Variants in MGA observed in about 807,000 individuals in gnomAD.
MGA encodes the protein MAX gene-associated protein.
In MGA, 40 loss-of-function variants were observed where a neutral mutation model predicts 261.1. The observed-to-expected ratio is 0.15, with a 90% CI of 0.12 to 0.20. The LOEUF (loss-of-function observed/expected upper bound fraction) is 0.20, where lower values mean the gene tolerates loss of function less well. Among genes scored for constraint, MGA ranks in the 10% least tolerant of loss-of-function variants. The pLI is 1.00. For missense variants in MGA, 3,397 were observed against 3,630.5 expected, an observed-to-expected ratio of 0.94 and a Z score of 1.65; for synonymous variants, 1,302 against 1,290.6, an observed-to-expected ratio of 1.01 and a Z score of -0.19.
Position 41,681,397 on chromosome 15 carries a change from C to CT in MGA, c.1064+11440dup, listed in dbSNP as rs2058667349. Among the ~76,000 whole-genome samples, 8 of 127,468 alleles carry CT rather than the reference C, an allele frequency of 6.3e-5. No individual in the cohort carries two copies. The South Asian group carries it at 1.8e-3, about 28-fold the overall frequency. 83.6% of individuals were successfully genotyped at this position (127,468 alleles called of 152,430 possible). On this transcript the variant is annotated intron_variant, in intron 2 of 23. Transcript: ENST00000219905. Reference sequence around the variant, plus strand: ...TGTTTTTAAATCCTTGTAGTATACTCTGTTTTTTTTTTTTTTTAATTCTGT... The same window carrying CT: ...TGTTTTTAAATCCTTGTAGTATACTCTTGTTTTTTTTTTTTTTTAATTCTGT...
chr15:41,655,489 A>T (rs2057146970), upstream of MGA, among the ~76,000 whole-genome samples: 1 of 152,196 alleles, frequency 6.6e-6, no homozygotes, highest in South Asian at 2.1e-4. Context: ...GTATACTTTA[A>T]ATCATCTTTA....
rs1595966553 is a variant in MGA at position 41,749,424 on chromosome 15, C to T, written c.5817C>T (p.Leu1939=). The T allele has an allele frequency of 6.2e-7, 1 of 1,614,018 alleles. No homozygotes were observed. ...TTGGTACAGCCAGTCTTATTCCTCT[C>T]CAGTCTGGTAGTTTTGCCTTGTTAC... The change falls in exon 17 of 24, where the codon CTC becomes CTT. Residue 1939 remains leucine (L), a synonymous_variant. Transcript: ENST00000219905.
intron 2 of MGA, among the ~76,000 whole-genome samples, chr15:41,694,813 C>T (rs2059470904): frequency 6.6e-6 from 1 of 152,022 alleles, no homozygotes; most frequent in African/African-American, 2.4e-5. Flanking sequence ...CGCCCGGCTC[C>T]AGGGTTTAAT....
chr15:41,718,159 T>G (rs2060737638), intron 9 of MGA, among the ~76,000 whole-genome samples: 1 of 151,632 alleles, frequency 6.6e-6, no homozygotes, highest in South Asian at 2.1e-4. Flanking sequence ...TATAACAGAT[T>G]AAATGAGATC....
At chr15:41,692,572 A>C (rs1248070563) in intron 2 of MGA, among the ~76,000 whole-genome samples, 1 of 152,156 alleles carries the variant, frequency 6.6e-6, no homozygotes, top group Non-Finnish European at 1.5e-5. Flanking sequence ...AATTCACTTC[A>C]TTTAGGCTTA....
rs1595936153 is a variant in MGA at position 41,742,603 on chromosome 15, C to A, written c.4643C>A (p.Ala1548Asp). 6.2e-7 allele frequency: 1 copy of A among 1,613,762 alleles called. No homozygotes were observed. Among genetic ancestry groups the A allele is most frequent in the South Asian group, 1.1e-5 (1 of 91,078 alleles). ...CAGTTTGTGATGAGTAAAGTTGGAGCCTTGCAGCAGAAGATACCTGGAGTT... is the reference window on the plus strand; with the variant it reads ...CAGTTTGTGATGAGTAAAGTTGGAGACTTGCAGCAGAAGATACCTGGAGTT... The change falls in exon 15 of 24, where the codon GCC becomes GAC. Residue 1548 changes from alanine (A) to aspartate (D), a missense_variant. Physicochemically the swap from Ala to Asp is moderately radical, Grantham distance 126. Coordinates refer to ENST00000219905, the MANE Select transcript of MGA (RefSeq NM_001164273.2).
rs1191842690 is a variant in MGA at position 41,737,495 on chromosome 15, TA to T, written c.4434+802del. Among the ~76,000 whole-genome samples, 3 of 152,138 alleles carry T rather than the reference TA, an allele frequency of 2.0e-5. No homozygotes were observed. The East Asian group carries it at 5.8e-4, about 29-fold the overall frequency. On this transcript the variant is annotated intron_variant, in intron 13 of 23. Transcript: ENST00000219905. ...GTAAGGTGTTATTTAAATACAAGAG[TA>T]AAAATTCAGCCATATTTACTTAATT...
intron 8 of MGA, 40 bp downstream of exon 8, chr15:41,711,389 G>A (rs1398272049): frequency 9.2e-6 from 14 of 1,524,682 alleles, no homozygotes; most frequent in Non-Finnish European, 1.1e-5. Flanking sequence ...TTAGTGCTTG[G>A]CTAGAAAGAG....
chr15:41,766,517 A>G lies in MGA; in HGVS notation c.8435A>G (p.Asn2812Ser), dbSNP rs747948036. Reference sequence around the variant, plus strand: ...CTTGATTCCAGTGAACTGCTGACTAACATGGAAGATGAGGATGATACTGAT... The same window carrying G: ...CTTGATTCCAGTGAACTGCTGACTAGCATGGAAGATGAGGATGATACTGAT... Residue 2812 changes from asparagine to serine, a missense_variant, in exon 24 of 24, where the codon AAC (asparagine) becomes AGC (serine). By Grantham distance (46) the Asn-to-Ser change is conservative. This residue lies in a region of MGA where 647 missense variants were observed against 642.4 expected (regional missense o/e 1.01). Coordinates refer to ENST00000219905, the MANE Select transcript of MGA (RefSeq NM_001164273.2). 6.2e-6 allele frequency: 10 copies of G among 1,614,002 alleles called. No homozygotes were observed. The highest frequency in any genetic ancestry group is 8.5e-6 in the Non-Finnish European group (10 of 1,179,888).
chr15:41,763,141 C>T (rs1299404566), intron 22 of MGA, among the ~76,000 whole-genome samples: 6 of 133,938 alleles, frequency 4.5e-5, no homozygotes, highest in African/African-American at 1.7e-4. Context: ...GCTCTGTTGC[C>T]CGGGCTGGAG....
rs775003084 is a variant in MGA at position 41,748,799 on chromosome 15, T to C, written c.5375T>C (p.Val1792Ala). The C allele has an allele frequency of 6.2e-7, 1 of 1,613,892 alleles. No individual in the cohort carries two copies. Among genetic ancestry groups the C allele is most frequent in the South Asian group, 1.1e-5 (1 of 91,076 alleles). Residue 1792 changes from valine (V) to alanine (A), a missense_variant, in exon 16 of 24, where the codon GTT becomes GCT. Physicochemically the swap from Val to Ala is moderately conservative, Grantham distance 64. Transcript: ENST00000219905. ...GGACATCGGATGGTCTTGCAGCCTG[T>C]TAGGAGTCCAAGTGGAATGAACTTA...
rs1566994660 is a variant in MGA at position 41,698,853 on chromosome 15, T to C, written c.2014-10T>C. 1 of 1,490,808 alleles carries C rather than the reference T, an allele frequency of 6.7e-7. No individual in the cohort carries two copies. 92.3% of individuals were successfully genotyped at this position (1,490,808 alleles called of 1,614,324 possible). On this transcript the variant is annotated splice_polypyrimidine_tract_variant and intron_variant, in intron 3 of 23. Coordinates refer to ENST00000219905, the MANE Select transcript of MGA (RefSeq NM_001164273.2). ...ATGAACTACTATTTTTTTTTTTTTTTGATGTATAGGAAGCTCTAGACATTC... is the reference window on the plus strand; with the variant it reads ...ATGAACTACTATTTTTTTTTTTTTTCGATGTATAGGAAGCTCTAGACATTC...
At chr15:41,624,911 G>T (rs376805573) in intron 1 of MGA, among the ~76,000 whole-genome samples, 14 of 152,326 alleles carry the variant, frequency 9.2e-5, no homozygotes, top group African/African-American at 3.1e-4. Context: ...GGAGGCCCAG[G>T]TGGGAGGATT....
rs767301140 is a variant in MGA at position 41,742,777 on chromosome 15, T to C, written c.4817T>C (p.Leu1606Ser). The C allele has an allele frequency of 3.1e-6, 5 of 1,613,888 alleles. No individual in the cohort carries two copies. In the East Asian group the frequency reaches 8.9e-5, roughly 29 times the overall value. The change falls in exon 15 of 24, where the codon TTA (leucine) becomes TCA (serine). Residue 1606 changes from leucine (L) to serine (S), a missense_variant. Leu to Ser is a moderately radical substitution (Grantham distance 145). Transcript: ENST00000219905. ...ACTACTACCACCCCTCAAGTGTTTTTAGAAAATACTACTGCTGTGACACCT... is the reference window on the plus strand; with the variant it reads ...ACTACTACCACCCCTCAAGTGTTTTCAGAAAATACTACTGCTGTGACACCT...
In MGA at chr15:41,762,372, A is replaced by T; in HGVS notation, c.7744+10A>T. ...AAAGACCAGGCCACAGGTAGGAGGG[A>T]CATTCTTCGCTTTCCTTAATGTAGA... is the stretch of plus-strand genomic sequence containing the variant. On this transcript the variant is annotated intron_variant, in intron 22 of 23. Transcript: ENST00000219905. 1 of 1,603,834 alleles carries T rather than the reference A, an allele frequency of 6.2e-7. No homozygotes were observed. Among genetic ancestry groups the T allele is most frequent in the Non-Finnish European group, 8.5e-7 (1 of 1,172,906 alleles).
At chr15:41,649,163 C>G (rs576571283) in intron 1 of MGA, among the ~76,000 whole-genome samples, 1 of 152,054 alleles carries the variant, frequency 6.6e-6, no homozygotes, top group African/African-American at 2.4e-5. Context: ...GCGGGTGGAT[C>G]ATGAGGTCAG....
At chr15:41,765,869 C>T (rs2063771677) in intron 23 of MGA, 135 bp from the exon 24 acceptor site, 3 of 677,986 alleles carry the variant, frequency 4.4e-6, no homozygotes, top group Non-Finnish European at 7.0e-6. Flanking sequence ...ATATTTCTTT[C>T]ATCTTTTTGA....
intron 20 of MGA, among the ~76,000 whole-genome samples, chr15:41,761,023 A>C (rs1319650495): frequency 6.6e-6 from 1 of 152,220 alleles, no homozygotes; most frequent in Non-Finnish European, 1.5e-5. Flanking sequence ...CGCCCACCTC[A>C]GCCTCCCAAA....
chr15:41,708,233 A>G, intron 7 of MGA, 25 bp downstream of exon 7: 1 of 1,450,540 alleles, frequency 6.9e-7, no homozygotes. Flanking sequence ...AAAATTTTTT[A>G]AATGTTCTGA....
Sources: allele counts gnomAD v4.1 joint callset (sites outside exome capture counted in the v4.1 genomes callset), GRCh38; gene constraint gnomAD v4.1.1; regional missense constraint gnomAD v4.1.1; transcripts MANE v1.5; gene names NCBI Gene and HGNC (gene_info 2026-07-23, HGNC 2026-07-21).